The following EYA3 variants were observed in gnomAD, a reference collection of about 807,000 sequenced individuals.
EYA3 encodes protein phosphatase EYA3.
A neutral mutation model predicts 80.0 loss-of-function variants in EYA3; 39 were observed. That is an observed-to-expected ratio of 0.49 (90% CI 0.38 to 0.64). EYA3 has a LOEUF of 0.64. Ranked by LOEUF, EYA3 falls within the 30% of genes least tolerant of loss-of-function variation. The probability of loss-of-function intolerance (pLI) is 0.00; values close to 1 mark genes in which losing one functional copy is unlikely to be tolerated. For synonymous variants in EYA3, 206 were observed against 232.8 expected, an observed-to-expected ratio of 0.88 and a Z score of 1.05; for missense variants, 523 against 676.1, an observed-to-expected ratio of 0.77 and a Z score of 2.51.
At chr1:27,980,979 G>A (rs192986874) in intron 16 of EYA3, among the ~76,000 whole-genome samples, 1 of 152,252 alleles carries the variant, frequency 6.6e-6, no homozygotes, top group Non-Finnish European at 1.5e-5. Flanking sequence ...GAAGGTTAAG[G>A]TTGCAATGGG....
At chr1:28,003,276 C>T (rs982172980) in intron 11 of EYA3, among the ~76,000 whole-genome samples, 1 of 66,230 alleles carries the variant, frequency 1.5e-5, no homozygotes, top group Admixed American at 1.4e-4. Flanking sequence ...TCTCAAACAA[C>T]AACAACAACA....
At chr1:27,989,591 C>T in intron 15 of EYA3, 106 bp downstream of exon 15, 1 of 605,886 alleles carries the variant, frequency 1.7e-6, no homozygotes, top group Non-Finnish European at 2.8e-6. Context: ...ATTTAAACTC[C>T]TCTCTACCCC....
At chr1:28,036,770 G>GTA (rs1263533315) in intron 5 of EYA3, among the ~76,000 whole-genome samples, 1 of 152,074 alleles carries the variant, frequency 6.6e-6, no homozygotes, top group Admixed American at 6.6e-5. Flanking sequence ...GAGTTACACT[G>GTA]TATATATAAG....
rs377723253 is a variant in EYA3 at position 28,009,669 on chromosome 1, A to AACAAC, written c.909+1277_909+1278insGTTGT. 1.1e-3 allele frequency among the ~76,000 whole-genome samples: 151 copies of AACAAC among 142,048 alleles called. 2 individuals carry two copies. The highest frequency in any genetic ancestry group is 9.5e-3 in the East Asian group (49 of 5,134). The allele number at this position is 142,048 out of a possible 152,430, so 93.2% of individuals were successfully genotyped here. On this transcript the variant is annotated intron_variant, in intron 10 of 17. Coordinates refer to ENST00000373871, the MANE Select transcript of EYA3 (RefSeq NM_001990.4). This position sits in a 1 kb window ranked among gnomAD's most constrained non-coding sequence, Gnocchi z 4.8. ...ACAACAACAACAACAACAACAACAA[A>AACAAC]AAACCATTATGGTAAATGAAATAAG...
chr1:28,061,109 AG>A (rs1283031279), intron 1 of EYA3, among the ~76,000 whole-genome samples: 1 of 152,224 alleles, frequency 6.6e-6, no homozygotes, highest in Non-Finnish European at 1.5e-5. Flanking sequence ...TAAAACAAAA[AG>A]CTGCCTACAA....
intron 7 of EYA3, among the ~76,000 whole-genome samples, chr1:28,025,484 T>C (rs1022419204): frequency 6.6e-6 from 1 of 152,234 alleles, no homozygotes. Context: ...ACTGTGACTA[T>C]GGATAAGCTA....
chr1:28,077,394 C>T (rs2148946385), intron 1 of EYA3, among the ~76,000 whole-genome samples: 1 of 152,248 alleles, frequency 6.6e-6, no homozygotes. Context: ...GCATGAGCCA[C>T]CGTGCTTCCC....
At chr1:27,992,545 G>A (rs937264986) in intron 14 of EYA3, among the ~76,000 whole-genome samples, 1 of 152,166 alleles carries the variant, frequency 6.6e-6, no homozygotes, top group Non-Finnish European at 1.5e-5. Flanking sequence ...CCGGGAATTG[G>A]GGACCCCTGC....
At position 28,013,352 on chromosome 1, in the gene EYA3, C is replaced by T. The variant is rs765666298; in HGVS notation, c.586-58G>A. ...CTTATAGCATACATTAATCTCAACA[C>T]AAGAGGCTTTCTTCTCCCTCTTTCT... On this transcript the variant is annotated intron_variant, in intron 8 of 17. Coordinates refer to ENST00000373871, the MANE Select transcript of EYA3 (RefSeq NM_001990.4). The surrounding 1 kb of genome is among the most constrained non-coding windows in gnomAD (Gnocchi z 4.0). 3.4e-5 allele frequency: 45 copies of T among 1,337,426 alleles called. No individual in the cohort carries two copies. The highest frequency in any genetic ancestry group is 2.3e-4 in the Admixed American group (9 of 38,626). 82.8% of individuals were successfully genotyped at this position (1,337,426 alleles called of 1,614,324 possible).
chr1:27,987,999 T>C (rs2148721498), intron 16 of EYA3, among the ~76,000 whole-genome samples: 1 of 152,256 alleles, frequency 6.6e-6, no homozygotes, highest in Non-Finnish European at 1.5e-5. Context: ...TTCCAAGTAG[T>C]TAGGACTACA....
At chr1:28,086,257 C>T (rs1645648157) in intron 1 of EYA3, among the ~76,000 whole-genome samples, 1 of 151,380 alleles carries the variant, frequency 6.6e-6, no homozygotes, top group Non-Finnish European at 1.5e-5. Flanking sequence ...ACTCTGTTGC[C>T]TTGTGGAGCG....
At chr1:28,015,258 A>T (rs1442406471) in intron 8 of EYA3, among the ~76,000 whole-genome samples, 1 of 152,196 alleles carries the variant, frequency 6.6e-6, no homozygotes, top group Non-Finnish European at 1.5e-5. Context: ...CTCTGAGGAG[A>T]TTTTATTCAG....
chr1:28,017,306 A>G (rs1388541966), intron 7 of EYA3, 67 bp from the exon 8 acceptor site: 1 of 1,206,320 alleles, frequency 8.3e-7, no homozygotes, highest in African/African-American at 1.5e-5. Context: ...AACTGAAAAT[A>G]GATGTGTTTT....
At chr1:28,065,604 T>C (rs1289633542) in intron 1 of EYA3, among the ~76,000 whole-genome samples, 4 of 152,018 alleles carry the variant, frequency 2.6e-5, no homozygotes, top group African/African-American at 9.7e-5. Flanking sequence ...TTTTTTTCTT[T>C]CCTTATTTAG....
chr1:28,073,808 T>C (rs1410960754), intron 1 of EYA3, among the ~76,000 whole-genome samples: 2 of 152,192 alleles, frequency 1.3e-5, no homozygotes, highest in Admixed American at 6.5e-5. Context: ...TTTAAAAGAA[T>C]TAAATGTATG....
intron 2 of EYA3, among the ~76,000 whole-genome samples, chr1:28,057,147 A>C (rs1644464539): frequency 1.3e-5 from 2 of 152,202 alleles, no homozygotes; most frequent in South Asian, 4.1e-4. Flanking sequence ...AAAGAAAAAT[A>C]TTTAAAATAT....
At chr1:27,987,295 C>T (rs1639723374) in intron 16 of EYA3, among the ~76,000 whole-genome samples, 1 of 152,200 alleles carries the variant, frequency 6.6e-6, no homozygotes, top group African/African-American at 2.4e-5. Context: ...ACAGAATTTC[C>T]TTCCTTTTTA....
At chr1:28,070,609 C>T (rs1398072542) in intron 1 of EYA3, among the ~76,000 whole-genome samples, 1 of 144,612 alleles carries the variant, frequency 6.9e-6, no homozygotes, top group African/African-American at 2.5e-5. Context: ...CACAACTGTA[C>T]ATACAGCTGA....
chr1:28,016,026 G>C (rs144580060), intron 8 of EYA3, among the ~76,000 whole-genome samples: 11 of 152,304 alleles, frequency 7.2e-5, no homozygotes, highest in African/African-American at 2.4e-4. Context: ...ATTATCATGA[G>C]GGAGGATTAG....
Sources: allele counts gnomAD v4.1 joint callset (sites outside exome capture counted in the v4.1 genomes callset), GRCh38; gene constraint gnomAD v4.1.1; non-coding constraint Gnocchi (gnomAD v3.1); transcripts MANE v1.5; gene names NCBI Gene and HGNC (gene_info 2026-07-23, HGNC 2026-07-21).